The following INO80C variants were observed in gnomAD, a reference collection of about 807,000 sequenced individuals.
INO80C encodes IES6 homolog.
INO80C carries 17 observed loss-of-function variants against 17.7 expected under a neutral mutation model. That is an observed-to-expected ratio of 0.96 (90% confidence interval 0.66 to 1.44). INO80C has a LOEUF of 1.44. INO80C is among the 40% of genes most tolerant of loss of function. The probability of loss-of-function intolerance (pLI) is 0.00; values close to 1 mark genes in which losing one functional copy is unlikely to be tolerated. For missense variants in INO80C, 244 were observed against 245.0 expected (o/e 1.00, Z 0.03); for synonymous variants, 96 against 95.8 (o/e 1.00, Z -0.01).
chr18:35,497,742 C>G lies in INO80C; in HGVS notation c.133G>C (p.Ala45Pro). The G allele has an allele frequency of 1.2e-6, 2 of 1,612,536 alleles. No homozygotes were observed. The highest frequency in any genetic ancestry group is 1.7e-6 in the Non-Finnish European group (2 of 1,179,442). ...GGYGASKKKKASASSFAQGIS... is the reference protein window; with the variant it reads ...GGYGASKKKKPSASSFAQGIS... The stretch of plus-strand genomic sequence containing the variant: ...ACCTGCGCAAAGCTGGAAGCGGACG[C>G]TTTTTTCTTCTTACTGGCGCCATAG... Residue 45 changes from alanine (A) to proline (P), a missense_variant, in exon 1 of 5, where the codon GCG (alanine) becomes CCG (proline). Physicochemically the swap from Ala to Pro is conservative, Grantham distance 27. Transcript: ENST00000334598.
At position 35,479,391 on chromosome 18, in the gene INO80C, T is replaced by C; in HGVS notation, c.288A>G (p.Ala96=). ...AGGTTCTGTTCTTCTTGCCAGCTAC[T>C]GCGCCACCGTGGCCAGAGTGCTTGA... is the stretch of plus-strand genomic sequence containing the variant. ...PNFVHSGHGG[A]VAGKKNRTWK... is the part of the protein sequence containing the mutation. Residue 96 remains alanine (A), a synonymous_variant, in exon 3 of 5, where the codon GCA becomes GCG. Transcript: ENST00000334598. 1 of 1,613,858 alleles carries C rather than the reference T, an allele frequency of 6.2e-7. No individual in the cohort carries two copies. The highest frequency in any genetic ancestry group is 1.1e-5 in the South Asian group (1 of 91,080).
intron 4 of INO80C, among the ~76,000 whole-genome samples, chr18:35,470,535 G>A (rs976201095): frequency 1.3e-5 from 2 of 152,192 alleles, no homozygotes; most frequent in African/African-American, 2.4e-5. Context: ...TCCGAGCAGA[G>A]TGTAGGCATG....
At chr18:35,485,412 A>C (rs1205152414) in intron 1 of INO80C, among the ~76,000 whole-genome samples, 3 of 152,238 alleles carry the variant, frequency 2.0e-5, no homozygotes, top group Non-Finnish European at 2.9e-5. Flanking sequence ...AATTTCTTCA[A>C]AGAAGATATA....
At chr18:35,494,255 C>T (rs1004713152) in intron 1 of INO80C, among the ~76,000 whole-genome samples, 5 of 152,196 alleles carry the variant, frequency 3.3e-5, no homozygotes, top group African/African-American at 1.2e-4. Flanking sequence ...TACACCCCTG[C>T]TACCTTGCAA....
chr18:35,487,947 G>C (rs767585516), intron 1 of INO80C: 5 of 152,224 alleles, frequency 3.3e-5, no homozygotes, highest in Admixed American at 1.3e-4. Flanking sequence ...CCCACACCAA[G>C]TCTGAAATCC....
chr18:35,487,826 G>A (rs1416516329), intron 1 of INO80C: 2 of 152,240 alleles, frequency 1.3e-5, no homozygotes, highest in Non-Finnish European at 2.9e-5. Flanking sequence ...CAATGAGCCT[G>A]TAAAATCAAA....
Position 35,468,450 on chromosome 18 carries a change from A to T in INO80C, c.*161T>A, listed in dbSNP as rs2045628537. The T allele has an allele frequency of 3.2e-6, 1 of 313,932 alleles. No individual in the cohort carries two copies. Among genetic ancestry groups the T allele is most frequent in the East Asian group, 7.2e-5 (1 of 13,890 alleles). 19.4% of individuals were successfully genotyped at this position (313,932 alleles called of 1,614,324 possible). A position where few individuals can be genotyped will look rare whatever the true frequency, so the allele number is the denominator to read the frequency against. ...ACACTTGGAGGGAAAACACACACTAAAAAAAAAAAAAACCCTTAAATTAAA... is the reference window on the plus strand; with the variant it reads ...ACACTTGGAGGGAAAACACACACTATAAAAAAAAAAAACCCTTAAATTAAA... On this transcript the variant is annotated 3_prime_UTR_variant, in exon 5 of 5. Coordinates refer to ENST00000334598, the MANE Select transcript of INO80C (RefSeq NM_194281.4).
At chr18:35,469,906 T>A (rs532323416) in intron 4 of INO80C, among the ~76,000 whole-genome samples, 1 of 152,228 alleles carries the variant, frequency 6.6e-6, no homozygotes, top group Non-Finnish European at 1.5e-5. Flanking sequence ...AGAACTTGTT[T>A]CCCAGACATA....
At chr18:35,491,915 G>A (rs1007795853) in intron 1 of INO80C, among the ~76,000 whole-genome samples, 4 of 152,160 alleles carry the variant, frequency 2.6e-5, no homozygotes, top group Non-Finnish European at 4.4e-5. Flanking sequence ...AAGTCTCAGG[G>A]AAGAGAAATC....
chr18:35,497,356 A>G (rs2045993678), intron 1 of INO80C: 1 of 1,037,762 alleles, frequency 9.6e-7, no homozygotes, highest in Non-Finnish European at 1.2e-6. Context: ...CCTCAAAGAC[A>G]CTGGGTAGAT....
At chr18:35,475,862 TA>T in intron 4 of INO80C, among the ~76,000 whole-genome samples, 1 of 152,070 alleles carries the variant, frequency 6.6e-6, no homozygotes, top group African/African-American at 2.4e-5. Flanking sequence ...GAAATGAAGA[TA>T]AAAGAAAGTT....
At chr18:35,496,102 G>GT (rs1242441587) in intron 1 of INO80C, among the ~76,000 whole-genome samples, 1 of 152,184 alleles carries the variant, frequency 6.6e-6, no homozygotes, top group Non-Finnish European at 1.5e-5. Context: ...GAGAAATACT[G>GT]TTTAACAGTT....
intron 1 of INO80C, among the ~76,000 whole-genome samples, chr18:35,491,480 C>G (rs895457887): frequency 6.6e-6 from 1 of 152,166 alleles, no homozygotes. Flanking sequence ...GGAAGCCACC[C>G]TGGAGTGAAC....
intron 1 of INO80C, among the ~76,000 whole-genome samples, chr18:35,482,161 G>A (rs930804164): frequency 6.6e-6 from 1 of 152,140 alleles, no homozygotes; most frequent in South Asian, 2.1e-4. Context: ...ACAAGTCACT[G>A]CCAAATCATG....
chr18:35,497,559 AG>A, intron 1 of INO80C, 159 bp downstream of exon 1: 1 of 1,416,334 alleles, frequency 7.1e-7, no homozygotes. Flanking sequence ...GTCCAAACGA[AG>A]GGAAAGAGTA....
At chr18:35,495,534 G>A (rs1223845914) in intron 1 of INO80C, among the ~76,000 whole-genome samples, 2 of 152,124 alleles carry the variant, frequency 1.3e-5, no homozygotes, top group African/African-American at 4.8e-5. Flanking sequence ...AAGGCCCAGA[G>A]GGAATAGAGA....
rs183158083 is a variant in INO80C at position 35,470,252 on chromosome 18, G to A, written c.448-1510C>T. Reference sequence around the variant, plus strand: ...TTATAGGCTTCTCATGCCCTAAAAAGTCTTCCATTTTGCCACTGGGAACCC... The same window carrying A: ...TTATAGGCTTCTCATGCCCTAAAAAATCTTCCATTTTGCCACTGGGAACCC... On this transcript the variant is annotated intron_variant, in intron 4 of 4. Transcript: ENST00000334598. 3.8e-3 allele frequency among the ~76,000 whole-genome samples: 579 copies of A among 152,222 alleles called. 8 individuals carry two copies. The highest frequency in any genetic ancestry group is 0.013 in the African/African-American group (543 of 41,556).
chr18:35,488,753 T>C (rs1010092256), intron 1 of INO80C, among the ~76,000 whole-genome samples: 1 of 152,236 alleles, frequency 6.6e-6, no homozygotes, highest in Non-Finnish European at 1.5e-5. Flanking sequence ...AAATGGGTTT[T>C]TATTCTCTAT....
At chr18:35,491,276 G>C (rs2045930230) in intron 1 of INO80C, among the ~76,000 whole-genome samples, 1 of 152,232 alleles carries the variant, frequency 6.6e-6, no homozygotes, top group Admixed American at 6.5e-5. Context: ...AGAGTAAGGA[G>C]AGGGTGGTAA....
Sources: allele counts gnomAD v4.1 joint callset (sites outside exome capture counted in the v4.1 genomes callset), GRCh38; gene constraint gnomAD v4.1.1; transcripts MANE v1.5; gene names NCBI Gene and HGNC (gene_info 2026-07-23, HGNC 2026-07-21).